The following MROH1 variants were observed in gnomAD, a reference collection of about 807,000 sequenced individuals.
MROH1 encodes the protein maestro heat like repeat family member 1, also known as maestro heat-like repeat-containing protein family member 1.
MROH1 carries 117 observed loss-of-function variants against 116.5 expected under a neutral mutation model. The observed-to-expected ratio is 1.00, with a 90% confidence interval of 0.86 to 1.17. The LOEUF (loss-of-function observed/expected upper bound fraction) is 1.17, where lower values mean the gene tolerates loss of function less well. MROH1 is among the 50% of genes most tolerant of loss of function. The probability of loss-of-function intolerance (pLI) is 0.00; values close to 1 mark genes in which losing one functional copy is unlikely to be tolerated. For synonymous variants in MROH1, 921 were observed against 583.9 expected, an observed-to-expected ratio of 1.58 and a Z score of -8.32; for missense variants, 1,873 against 1,338.5, an observed-to-expected ratio of 1.40 and a Z score of -6.23.
chr8:144,189,577 C>T (rs1476085127), intron 7 of MROH1, among the ~76,000 whole-genome samples: 1 of 152,204 alleles, frequency 6.6e-6, no homozygotes, highest in Non-Finnish European at 1.5e-5. Flanking sequence ...CAGCTCTGCC[C>T]GCTCCCAGCT....
At chr8:144,239,578 C>G in intron 17 of MROH1, 36 bp from the exon 18 acceptor site, 1 of 769,188 alleles carries the variant, frequency 1.3e-6, no homozygotes, top group Non-Finnish European at 2.4e-6. Context: ...CCAGTGCTCC[C>G]TGCTCAGACC....
Position 144,180,106 on chromosome 8 carries a change from A to C in MROH1, c.301-72A>C. The stretch of plus-strand genomic sequence containing the variant: ...GCTGAAAACAGCGTGCGCTTGTCCA[A>C]GGCTGGCAGCGACTGAGGGCAGAAT... On this transcript the variant is annotated intron_variant, in intron 5 of 43. Coordinates refer to ENST00000326134, the MANE Select transcript of MROH1 (RefSeq NM_032450.3). The surrounding 1 kb of genome is among the most constrained non-coding windows in gnomAD (Gnocchi z 7.4). 6.3e-7 allele frequency: 1 copy of C among 1,580,012 alleles called. No homozygotes were observed. The highest frequency in any genetic ancestry group is 2.2e-5 in the East Asian group (1 of 44,482).
intron 12 of MROH1, among the ~76,000 whole-genome samples, chr8:144,204,719 A>C (rs1282849810): frequency 1.3e-5 from 2 of 152,202 alleles, no homozygotes; most frequent in African/African-American, 4.8e-5. Flanking sequence ...TTATACATAT[A>C]GTACAGCTTA....
chr8:144,177,567 G>T (rs1824336728), intron 4 of MROH1, among the ~76,000 whole-genome samples: 1 of 152,212 alleles, frequency 6.6e-6, no homozygotes, highest in Non-Finnish European at 1.5e-5. Context: ...ATAGCTGTCA[G>T]AGTGGATGAG....
intron 33 of MROH1, 29 bp downstream of exon 33, chr8:144,250,395 G>T (rs1842653592): frequency 5.4e-6 from 4 of 743,966 alleles, no homozygotes; most frequent in Non-Finnish European, 9.9e-6. Context: ...AGGCTTAGGG[G>T]TCCCTCTGGA....
At chr8:144,250,618 G>A (rs1842697829) in intron 33 of MROH1, 1 of 578,214 alleles carries the variant, frequency 1.7e-6, no homozygotes, top group Non-Finnish European at 3.1e-6. Context: ...CCCCCACAGG[G>A]AAGCTGCTGT....
chr8:144,255,143 G>A (rs1843480055), intron 34 of MROH1, among the ~76,000 whole-genome samples, 165 bp downstream of exon 34: 2 of 152,240 alleles, frequency 1.3e-5, no homozygotes, highest in Non-Finnish European at 2.9e-5. Flanking sequence ...GGCCTCACAG[G>A]TGTGGGCCCC....
chr8:144,226,733 G>A (rs573608170), intron 14 of MROH1, among the ~76,000 whole-genome samples: 32 of 152,298 alleles, frequency 2.1e-4, no homozygotes, highest in East Asian at 5.8e-4. Flanking sequence ...GATTACAGGC[G>A]TGAGCCACCA....
Position 144,259,997 on chromosome 8 carries a change from C to T in MROH1, c.4131C>T (p.Ala1377=). 5.4e-6 allele frequency: 4 copies of T among 734,066 alleles called. No individual in the cohort carries two copies. Among genetic ancestry groups the T allele is most frequent in the South Asian group, 4.3e-5 (3 of 69,442 alleles). 45.5% of individuals were successfully genotyped at this position (734,066 alleles called of 1,614,324 possible). ...SLAARQKDTC[A]SVRRLVLRGL... ...CGGCTCGCCAGAAGGACACATGCGCCAGCGTGCGGAGGCTGGTGCTCCGCG... is the reference window on the plus strand; with the variant it reads ...CGGCTCGCCAGAAGGACACATGCGCTAGCGTGCGGAGGCTGGTGCTCCGCG... The change falls in exon 38 of 44, where the codon GCC becomes GCT. Residue 1377 remains alanine (A), a synonymous_variant. Coordinates refer to ENST00000326134, the MANE Select transcript of MROH1 (RefSeq NM_032450.3).
At chr8:144,161,467 C>T (rs1307714671) in intron 2 of MROH1, among the ~76,000 whole-genome samples, 2 of 152,170 alleles carry the variant, frequency 1.3e-5, no homozygotes, top group African/African-American at 4.8e-5. Flanking sequence ...CGGCACTCCC[C>T]GTTCTGTCTC....
intron 12 of MROH1, chr8:144,213,436 A>G (rs1425746762): frequency 1.3e-5 from 3 of 236,016 alleles, no homozygotes; most frequent in Non-Finnish European, 2.4e-5. Flanking sequence ...TGCCAGATTT[A>G]GCAAAAACAA....
intron 1 of MROH1, among the ~76,000 whole-genome samples, chr8:144,159,053 C>G (rs934431579): frequency 6.6e-6 from 1 of 152,148 alleles, no homozygotes; most frequent in Non-Finnish European, 1.5e-5. Context: ...ATTTTCTGTT[C>G]ACTTGTTCTA....
At chr8:144,250,972 T>C (rs1470804285) in intron 33 of MROH1, 2 of 178,244 alleles carry the variant, frequency 1.1e-5, no homozygotes, top group Admixed American at 5.3e-5. Context: ...TGCTGGCCCT[T>C]CCTTTCTTTG....
At chr8:144,230,802 C>CTTT (rs1161687289) in intron 14 of MROH1, among the ~76,000 whole-genome samples, 6 of 68,614 alleles carry the variant, frequency 8.7e-5, no homozygotes, top group South Asian at 5.9e-4. Context: ...AAAAGGTTTT[C>CTTT]TTTTTTTTTT....
In MROH1 at chr8:144,239,723, C is replaced by T. The variant is rs1415384511; in HGVS notation, c.1742C>T (p.Thr581Met). 9.7e-6 allele frequency: 7 copies of T among 721,022 alleles called. No homozygotes were observed. Among genetic ancestry groups the T allele is most frequent in the African/African-American group, 1.7e-5 (1 of 57,448 alleles). 44.7% of individuals were successfully genotyped at this position (721,022 alleles called of 1,614,324 possible). The change falls in exon 18 of 44, where the codon ACG (threonine) becomes ATG (methionine). Residue 581 changes from threonine to methionine, a missense_variant. Transcript: ENST00000326134. ...CCTTTGCTGGGTCAGCATTGGGAAA[C>T]GACTGTCCCGCTGCTGCTGGGGTAC... ...IHPLLGQHWETTVPLLLGYLD... is the reference protein window; with the variant it reads ...IHPLLGQHWEMTVPLLLGYLD...
chr8:144,188,534 T>A (rs1827789239), intron 7 of MROH1, among the ~76,000 whole-genome samples: 1 of 133,238 alleles, frequency 7.5e-6, no homozygotes, highest in Non-Finnish European at 1.6e-5. Context: ...TGGCGTGATC[T>A]CAGCTCACTG....
In MROH1 at chr8:144,254,952, C is replaced by T. The variant is rs1027356886; in HGVS notation, c.3568C>T (p.Arg1190Cys). The change falls in exon 34 of 44, where the codon CGC becomes TGC. Residue 1190 changes from arginine (R) to cysteine (C), a missense_variant. Coordinates refer to ENST00000326134, the MANE Select transcript of MROH1 (RefSeq NM_032450.3). Reference protein sequence around the residue: ...RAFLLGRTPDRVATLLPLSAT... With the variant: ...RAFLLGRTPDCVATLLPLSAT... ...CTTCCTGCTGGGCCGCACCCCAGACCGCGTGGCCACGCTGCTGCCTCTCTC... is the reference window on the plus strand; with the variant it reads ...CTTCCTGCTGGGCCGCACCCCAGACTGCGTGGCCACGCTGCTGCCTCTCTC... 73 of 771,296 alleles carry T rather than the reference C, an allele frequency of 9.5e-5. No individual in the cohort carries two copies. Among genetic ancestry groups the T allele is most frequent in the East Asian group, 2.7e-4 (11 of 40,978 alleles). 47.8% of individuals were successfully genotyped at this position (771,296 alleles called of 1,614,324 possible). A position where few individuals can be genotyped will look rare whatever the true frequency, so the allele number is the denominator to read the frequency against.
intron 7 of MROH1, among the ~76,000 whole-genome samples, chr8:144,186,373 C>T (rs774428257): frequency 3.3e-5 from 5 of 152,074 alleles, no homozygotes; most frequent in African/African-American, 7.2e-5. Context: ...CTGTCCACCT[C>T]GGCCTCCCAA....
chr8:144,175,714 A>G (rs1171379668), intron 4 of MROH1: 1 of 309,052 alleles, frequency 3.2e-6, no homozygotes, highest in African/African-American at 2.3e-5. Flanking sequence ...GCTTGAGGCC[A>G]GGGGTTTGAG....
Sources: allele counts gnomAD v4.1 joint callset (sites outside exome capture counted in the v4.1 genomes callset), GRCh38; gene constraint gnomAD v4.1.1; non-coding constraint Gnocchi (gnomAD v3.1); transcripts MANE v1.5; gene names NCBI Gene and HGNC (gene_info 2026-07-23, HGNC 2026-07-21).